Variants in NCKAP5 observed in about 807,000 individuals in gnomAD.
NCKAP5 encodes the protein nck-associated protein 5.
A neutral mutation model predicts 167.0 loss-of-function variants in NCKAP5; 92 were observed. The observed-to-expected ratio is 0.55, with a 90% confidence interval of 0.47 to 0.66. NCKAP5 has a LOEUF of 0.66. Among genes scored for constraint, NCKAP5 ranks in the 30% least tolerant of loss-of-function variants. The probability of loss-of-function intolerance (pLI) is 0.00; values close to 1 mark genes in which losing one functional copy is unlikely to be tolerated. For missense variants in NCKAP5, 2,378 were observed against 2,315.0 expected, an observed-to-expected ratio of 1.03 and a Z score of -0.56; for synonymous variants, 891 against 877.4, an observed-to-expected ratio of 1.02 and a Z score of -0.27.
intron 6 of NCKAP5, among the ~76,000 whole-genome samples, chr2:133,062,738 A>G (rs2080049763): frequency 6.6e-6 from 1 of 152,212 alleles, no homozygotes. Flanking sequence ...TGGTGAGATT[A>G]ATGTGTTACA....
chr2:132,844,884 C>T (rs547162769), intron 11 of NCKAP5, among the ~76,000 whole-genome samples: 3 of 152,274 alleles, frequency 2.0e-5, no homozygotes, highest in Non-Finnish European at 4.4e-5. Context: ...TTGCCAGAAA[C>T]GCATGCGGTT....
chr2:132,790,697 C>T (rs1431524900), intron 12 of NCKAP5, among the ~76,000 whole-genome samples: 2 of 152,152 alleles, frequency 1.3e-5, no homozygotes, highest in Non-Finnish European at 2.9e-5. Context: ...CTGGCTCTGC[C>T]TCTTCCTGTG....
intron 3 of NCKAP5, among the ~76,000 whole-genome samples, chr2:133,428,726 G>A (rs1281225564): frequency 1.3e-5 from 2 of 152,004 alleles, no homozygotes; most frequent in African/African-American, 4.8e-5. Flanking sequence ...GTAGAAAAAT[G>A]GGCAAAGAAT....
intron 6 of NCKAP5, among the ~76,000 whole-genome samples, chr2:133,007,664 C>G (rs986728690): frequency 2.0e-5 from 3 of 151,998 alleles, no homozygotes; most frequent in Admixed American, 6.6e-5. Flanking sequence ...GTCCTGGTTT[C>G]CCAGGACAGT....
chr2:132,994,705 T>C (rs2077542655), intron 6 of NCKAP5, among the ~76,000 whole-genome samples: 1 of 152,210 alleles, frequency 6.6e-6, no homozygotes, highest in South Asian at 2.1e-4. Flanking sequence ...TTCATTCTTC[T>C]CAACTACAGT....
At chr2:133,350,644 T>C (rs768197119) in intron 3 of NCKAP5, among the ~76,000 whole-genome samples, 14 of 152,096 alleles carry the variant, frequency 9.2e-5, no homozygotes, top group Non-Finnish European at 1.3e-4. Context: ...ACCCTCAAAA[T>C]TGTGGTAGTT....
chr2:133,642,094 G>A, the NCKAP5 span, among the ~76,000 whole-genome samples: 1 of 152,156 alleles, frequency 6.6e-6, no homozygotes, highest in Non-Finnish European at 1.5e-5. Context: ...AAATAGCTGT[G>A]TGCAAAGAGA....
At chr2:132,861,345 C>T (rs1689895713) in intron 10 of NCKAP5, among the ~76,000 whole-genome samples, 1 of 152,144 alleles carries the variant, frequency 6.6e-6, no homozygotes. Flanking sequence ...GCCTTCCAAA[C>T]TGACTGCAAT....
chr2:133,215,284 C>T lies in NCKAP5; in HGVS notation c.144-1505G>A, dbSNP rs567454351. On this transcript the variant is annotated intron_variant, in intron 4 of 19. Coordinates refer to ENST00000409261, the MANE Select transcript of NCKAP5 (RefSeq NM_207363.3). ...CAATGAAAAGAACAAATTAAGGGAA[C>T]AAATAATTGAAAAAGAAGGATATGA... is the stretch of plus-strand genomic sequence containing the variant. Among the ~76,000 whole-genome samples the T allele has an allele frequency of 3.9e-5, 6 of 152,094 alleles. No individual in the cohort carries two copies. In the South Asian group the frequency reaches 1.2e-3, roughly 32 times the overall value.
chr2:132,673,960 T>C (rs1192541873), intron 19 of NCKAP5, among the ~76,000 whole-genome samples: 1 of 152,166 alleles, frequency 6.6e-6, no homozygotes, highest in East Asian at 1.9e-4. Flanking sequence ...GGGATATTAC[T>C]GTTATTAATA....
chr2:132,767,562 G>A (rs1681620435), intron 16 of NCKAP5, among the ~76,000 whole-genome samples: 1 of 152,126 alleles, frequency 6.6e-6, no homozygotes, highest in Non-Finnish European at 1.5e-5. Flanking sequence ...TCTTAACTAT[G>A]AATAAAACTT....
chr2:133,609,064 C>A, the NCKAP5 span, among the ~76,000 whole-genome samples: 8 of 152,232 alleles, frequency 5.3e-5, no homozygotes, highest in African/African-American at 1.9e-4. Flanking sequence ...CTTAAGGATA[C>A]TTTCCTTTAT....
chr2:133,257,194 A>G (rs188521124), intron 4 of NCKAP5, among the ~76,000 whole-genome samples: 1 of 152,346 alleles, frequency 6.6e-6, no homozygotes, highest in Admixed American at 6.5e-5. Context: ...AAGCAAGAGC[A>G]TAAAGAAACA....
At position 133,505,321 on chromosome 2, in the gene NCKAP5, A is replaced by G. The variant is rs60402642; in HGVS notation, c.69+12137T>C. On this transcript the variant is annotated intron_variant, in intron 3 of 19. Coordinates refer to ENST00000409261, the MANE Select transcript of NCKAP5 (RefSeq NM_207363.3). ...CATGACCTGTAGTAAACACCTGGGT[A>G]AACATTTCTGGCAGATAACATCATG... 3.6e-3 allele frequency among the ~76,000 whole-genome samples: 553 copies of G among 152,326 alleles called. 3 individuals carry two copies. The highest frequency in any genetic ancestry group is 0.012 in the African/African-American group (487 of 41,578).
intron 3 of NCKAP5, among the ~76,000 whole-genome samples, chr2:133,386,256 C>T (rs182334919): frequency 6.6e-6 from 1 of 152,278 alleles, no homozygotes; most frequent in African/African-American, 2.4e-5. Context: ...TGTCTTCATT[C>T]TGGTTGGTTT....
chr2:133,528,992 G>C (rs13383175), intron 2 of NCKAP5, among the ~76,000 whole-genome samples: 2,931 of 152,118 alleles, frequency 0.019, 100 homozygotes, highest in African/African-American at 0.066. Flanking sequence ...CTGTTCCCTA[G>C]AGCAAATATA....
At chr2:132,777,994 G>A (rs547871294) in intron 15 of NCKAP5, among the ~76,000 whole-genome samples, 8 of 151,838 alleles carry the variant, frequency 5.3e-5, no homozygotes, top group Non-Finnish European at 8.8e-5. Context: ...TTTTATTTTT[G>A]TCCAGTGATA....
intron 9 of NCKAP5, among the ~76,000 whole-genome samples, chr2:132,876,674 T>G (rs1691306905): frequency 6.6e-6 from 1 of 152,198 alleles, no homozygotes; most frequent in Non-Finnish European, 1.5e-5. Context: ...ACAAAATATG[T>G]GTATTGCTTA....
At chr2:133,019,331 A>G (rs7572356) in intron 6 of NCKAP5, among the ~76,000 whole-genome samples, 14,751 of 152,084 alleles carry the variant, frequency 0.097, 780 homozygotes, top group Middle Eastern at 0.16. Context: ...TATTTTGATA[A>G]GGGATAAAGA....
Sources: allele counts gnomAD v4.1 joint callset (sites outside exome capture counted in the v4.1 genomes callset), GRCh38; gene constraint gnomAD v4.1.1; transcripts MANE v1.5; gene names NCBI Gene and HGNC (gene_info 2026-07-23, HGNC 2026-07-21).